The following NREP variants were observed in gnomAD, a reference collection of about 807,000 sequenced individuals.
The protein encoded by NREP is neuronal regeneration-related protein.
NREP carries 5 observed loss-of-function variants against 8.6 expected under a neutral mutation model. That is an observed-to-expected ratio of 0.58 (90% CI 0.30 to 1.22). The LOEUF is 1.22. Among genes scored for constraint, NREP ranks in the 50% most tolerant of loss-of-function variants. The pLI is 0.07. For missense variants in NREP, 86 were observed against 82.5 expected (o/e 1.04, Z -0.17); for synonymous variants, 27 against 28.0 (o/e 0.96, Z 0.11).
chr5:111,804,387 G>A (rs187547441), intron 2 of NREP, among the ~76,000 whole-genome samples: 41 of 152,124 alleles, frequency 2.7e-4, no homozygotes, highest in East Asian at 1.5e-3. Flanking sequence ...ATCAGTGATC[G>A]CAATCTTAAC....
At chr5:111,864,123 A>G (rs984530953) in intron 2 of NREP, among the ~76,000 whole-genome samples, 2 of 152,150 alleles carry the variant, frequency 1.3e-5, no homozygotes, top group African/African-American at 4.8e-5. Context: ...CTAATCTACC[A>G]AAGACCGCAA....
At chr5:111,740,647 G>A (rs1238688351) in intron 2 of NREP, among the ~76,000 whole-genome samples, 1 of 152,100 alleles carries the variant, frequency 6.6e-6, no homozygotes, top group Non-Finnish European at 1.5e-5. Context: ...TCAGAGACCA[G>A]TCCCCCAAGG....
rs1055701244 is a variant in NREP at position 111,964,881 on chromosome 5, A to T, written c.135+10393T>A. Among the ~76,000 whole-genome samples, 115 of 136,912 alleles carry T rather than the reference A, an allele frequency of 8.4e-4. 1 individual carries two copies. Among genetic ancestry groups the T allele is most frequent in the Non-Finnish European group, 1.5e-3 (97 of 66,610 alleles). The allele number at this position is 136,912 out of a possible 152,430, so 89.8% of individuals were successfully genotyped here. On this transcript the variant is annotated intron_variant, in intron 2 of 3. Transcript: ENST00000395634. ...AAAAAAAAAAAAAAAAAAAAAAAAAAAAAAAAAAAAAAAAGAAACCATGTA... is the reference window on the plus strand; with the variant it reads ...AAAAAAAAAAAAAAAAAAAAAAAAATAAAAAAAAAAAAAAGAAACCATGTA...
intron 2 of NREP, among the ~76,000 whole-genome samples, chr5:111,743,950 A>G (rs1403739595): frequency 1.3e-4 from 20 of 152,302 alleles, no homozygotes; most frequent in Non-Finnish European, 8.8e-5. Flanking sequence ...ATTATTCAAA[A>G]ATACGATTTC....
At chr5:111,854,807 A>G (rs1485608794) in intron 2 of NREP, among the ~76,000 whole-genome samples, 2 of 152,180 alleles carry the variant, frequency 1.3e-5, no homozygotes, top group Non-Finnish European at 1.5e-5. Flanking sequence ...CCTTTCCCAG[A>G]AATAACCACT....
chr5:111,799,728 T>A (rs1370579933), intron 2 of NREP, among the ~76,000 whole-genome samples: 1 of 152,212 alleles, frequency 6.6e-6, no homozygotes, highest in Non-Finnish European at 1.5e-5. Context: ...AGTTACTTAC[T>A]TATGCGTACA....
intron 2 of NREP, among the ~76,000 whole-genome samples, chr5:111,875,665 C>A (rs1167910176): frequency 6.6e-6 from 1 of 152,148 alleles, no homozygotes; most frequent in African/African-American, 2.4e-5. Context: ...CCTAGCTCAT[C>A]CCTTTTGGTA....
intron 2 of NREP, among the ~76,000 whole-genome samples, chr5:111,948,472 A>G (rs560804380): frequency 1.3e-5 from 2 of 152,228 alleles, no homozygotes; most frequent in African/African-American, 4.8e-5. Flanking sequence ...TTGGTTCTAT[A>G]TCAACTATCT....
chr5:111,943,280 C>T (rs1459196003), intron 2 of NREP, among the ~76,000 whole-genome samples: 1 of 152,012 alleles, frequency 6.6e-6, no homozygotes, highest in Non-Finnish European at 1.5e-5. Context: ...ACATTGAACT[C>T]CCTATACATC....
intron 2 of NREP, among the ~76,000 whole-genome samples, chr5:111,737,719 A>AAT (rs1286677394): frequency 6.6e-6 from 1 of 150,376 alleles, no homozygotes; most frequent in Non-Finnish European, 1.5e-5. Context: ...ATTTGCTAAA[A>AAT]AAAAAAAAAA....
Position 111,956,690 on chromosome 5 carries a change from G to A in NREP, c.135+18584C>T, listed in dbSNP as rs1449367678. Among the ~76,000 whole-genome samples, 7 of 152,202 alleles carry A rather than the reference G, an allele frequency of 4.6e-5. No individual in the cohort carries two copies. The South Asian group carries it at 6.2e-4, about 14-fold the overall frequency. ...TTTAAAATGCCAATTAAGGCTGAGC[G>A]TGGTGGTTCATGCCTATAATCCCAG... is the stretch of plus-strand genomic sequence containing the variant. On this transcript the variant is annotated intron_variant, in intron 2 of 3. Coordinates refer to the NREP transcript ENST00000395634.
chr5:111,908,977 C>T (rs1210620384), intron 2 of NREP, among the ~76,000 whole-genome samples: 4 of 151,782 alleles, frequency 2.6e-5, no homozygotes, highest in African/African-American at 9.7e-5. Flanking sequence ...TCTGATGATT[C>T]GTGATGTTGA....
chr5:111,902,137 T>C (rs1035608598), intron 2 of NREP, among the ~76,000 whole-genome samples: 2 of 151,732 alleles, frequency 1.3e-5, no homozygotes, highest in Non-Finnish European at 2.9e-5. Context: ...ACCCAGAAAT[T>C]AATCTATATA....
intron 2 of NREP, among the ~76,000 whole-genome samples, chr5:111,864,311 A>G (rs1753617599): frequency 6.6e-6 from 1 of 152,174 alleles, no homozygotes; most frequent in African/African-American, 2.4e-5. Flanking sequence ...TTGTGGAAGT[A>G]TTGCCATGAG....
intron 2 of NREP, among the ~76,000 whole-genome samples, chr5:111,859,682 A>T (rs1753501798): frequency 6.6e-6 from 1 of 152,104 alleles, no homozygotes. Flanking sequence ...AAAAACTGAA[A>T]GAGGTCAAGC....
intron 2 of NREP, among the ~76,000 whole-genome samples, chr5:111,953,532 C>G (rs1756224516): frequency 6.6e-6 from 1 of 152,114 alleles, no homozygotes; most frequent in African/African-American, 2.4e-5. Context: ...CTTCAGGCAT[C>G]ATGAGTTCGT....
At chr5:111,918,106 C>T (rs1036598116) in intron 2 of NREP, among the ~76,000 whole-genome samples, 4 of 152,092 alleles carry the variant, frequency 2.6e-5, no homozygotes, top group Admixed American at 2.0e-4. Flanking sequence ...CTGCCATTCA[C>T]GATTGCTACA....
chr5:111,897,809 A>G (rs1328409208), intron 2 of NREP, among the ~76,000 whole-genome samples: 1 of 152,164 alleles, frequency 6.6e-6, no homozygotes, highest in Non-Finnish European at 1.5e-5. Flanking sequence ...AAACTTATAT[A>G]TGATATTGTG....
At chr5:111,935,327 C>T (rs962536656) in intron 2 of NREP, among the ~76,000 whole-genome samples, 1 of 152,008 alleles carries the variant, frequency 6.6e-6, no homozygotes, top group Non-Finnish European at 1.5e-5. Flanking sequence ...TACCCCAGCA[C>T]GGCTTGGACT....
Sources: allele counts gnomAD v4.1 joint callset (sites outside exome capture counted in the v4.1 genomes callset), GRCh38; gene constraint gnomAD v4.1.1; transcripts MANE v1.5; gene names NCBI Gene and HGNC (gene_info 2026-07-23, HGNC 2026-07-21).